DLGAP4: variants seen among roughly 807,000 people sequenced by gnomAD.
The protein encoded by DLGAP4 is DLG associated protein 4, also known as disks large-associated protein 4.
In DLGAP4, 18 loss-of-function variants were observed where a neutral mutation model predicts 86.9. That is an observed-to-expected ratio of 0.21 (90% confidence interval 0.14 to 0.31). The LOEUF (loss-of-function observed/expected upper bound fraction) is 0.31, where lower values mean the gene tolerates loss of function less well. DLGAP4 is among the 10% of genes least tolerant of loss of function. The pLI is 1.00. For synonymous variants in DLGAP4, 548 were observed against 574.3 expected, an observed-to-expected ratio of 0.95 and a Z score of 0.65; for missense variants, 1,085 against 1,362.6, an observed-to-expected ratio of 0.80 and a Z score of 3.21.
chr20:36,505,683 C>T (rs960418232), intron 10 of DLGAP4, among the ~76,000 whole-genome samples: 15 of 151,960 alleles, frequency 9.9e-5, no homozygotes, highest in East Asian at 7.7e-4. Context: ...GGCTGACAAG[C>T]GGGGAGGATC....
At chr20:36,357,906 T>G (rs986862478) in intron 1 of DLGAP4, among the ~76,000 whole-genome samples, 3 of 152,232 alleles carry the variant, frequency 2.0e-5, no homozygotes, top group African/African-American at 4.8e-5. Flanking sequence ...TTTACAAGAC[T>G]AGCCCTTTGG....
chr20:36,503,748 A>G (rs2036247777), intron 10 of DLGAP4, among the ~76,000 whole-genome samples: 1 of 152,008 alleles, frequency 6.6e-6, no homozygotes, highest in Admixed American at 6.6e-5. Flanking sequence ...TCAGCCTCCC[A>G]AAGTGCAAAG....
intron 7 of DLGAP4, among the ~76,000 whole-genome samples, chr20:36,488,894 C>G (rs2035536676): frequency 6.6e-6 from 1 of 152,186 alleles, no homozygotes. Context: ...ACTTAATATA[C>G]TATTGATTCA....
At chr20:36,344,851 TC>T in intron 1 of DLGAP4, among the ~76,000 whole-genome samples, 1 of 151,674 alleles carries the variant, frequency 6.6e-6, no homozygotes, top group Non-Finnish European at 1.5e-5. Context: ...AAGCTAAGGG[TC>T]CCCCCTCCTT....
chr20:36,372,771 G>A (rs112945545), intron 2 of DLGAP4, among the ~76,000 whole-genome samples: 1 of 152,170 alleles, frequency 6.6e-6, no homozygotes, highest in African/African-American at 2.4e-5. Flanking sequence ...GTGAGAGTTG[G>A]TTAAATAACT....
intron 10 of DLGAP4, among the ~76,000 whole-genome samples, chr20:36,509,549 T>C (rs1234474189): frequency 3.9e-5 from 6 of 151,990 alleles, no homozygotes; most frequent in Admixed American, 1.3e-4. Context: ...CCAGCCTGGG[T>C]GACAGAGCTA....
intron 3 of DLGAP4, among the ~76,000 whole-genome samples, chr20:36,433,983 A>G (rs567273734): frequency 7.8e-6 from 1 of 127,682 alleles, no homozygotes; most frequent in African/African-American, 3.1e-5. Flanking sequence ...CACACTTGTC[A>G]CCCAGACTGG....
rs2034474028 is a variant in DLGAP4, at chr20:36,467,582, T to TA, written c.1648+20650dup. 2.6e-5 allele frequency among the ~76,000 whole-genome samples: 4 copies of TA among 152,012 alleles called. No individual in the cohort carries two copies. The East Asian group carries it at 7.7e-4, about 29-fold the overall frequency. ...ATCAGGCTGGGTAAATTGGAATGAA[T>TA]AAAAATCACAACAGGGAGGAGGCTT... On this transcript the variant is annotated intron_variant, in intron 7 of 12. Coordinates refer to ENST00000339266, the MANE Select transcript of DLGAP4 (RefSeq NM_001365621.2).
intron 7 of DLGAP4, among the ~76,000 whole-genome samples, chr20:36,455,406 T>A (rs1334566593): frequency 1.3e-5 from 2 of 152,116 alleles, no homozygotes; most frequent in Non-Finnish European, 2.9e-5. Context: ...GGCAAGGTGG[T>A]GGGCTGCAGG....
intron 10 of DLGAP4, among the ~76,000 whole-genome samples, chr20:36,517,410 G>C (rs1016880552): frequency 6.6e-6 from 1 of 152,034 alleles, no homozygotes; most frequent in Non-Finnish European, 1.5e-5. Flanking sequence ...TGGACTACAG[G>C]CATGTGCCAC....
intron 4 of DLGAP4, among the ~76,000 whole-genome samples, chr20:36,439,066 CAAT>C (rs948771042): frequency 1.9e-4 from 29 of 152,056 alleles, no homozygotes; most frequent in Admixed American, 6.6e-5. Context: ...TCAAGGGAAG[CAAT>C]AATAATAACA....
At chr20:36,470,353 C>T (rs981615313) in intron 7 of DLGAP4, among the ~76,000 whole-genome samples, 1 of 152,228 alleles carries the variant, frequency 6.6e-6, no homozygotes, top group Non-Finnish European at 1.5e-5. Flanking sequence ...CAGAGGCTGA[C>T]TGCCTGTTCT....
intron 7 of DLGAP4, among the ~76,000 whole-genome samples, chr20:36,482,624 G>A (rs1428164351): frequency 2.6e-5 from 4 of 152,064 alleles, no homozygotes; most frequent in Non-Finnish European, 5.9e-5. Context: ...GTAACTGGGC[G>A]GTTTCTCCTG....
intron 2 of DLGAP4, among the ~76,000 whole-genome samples, chr20:36,378,262 T>C (rs2031237183): frequency 6.6e-6 from 1 of 152,174 alleles, no homozygotes. Flanking sequence ...TGAGCCTCTT[T>C]TTCTTCATCT....
chr20:36,502,212 T>C lies in DLGAP4; in HGVS notation c.2512+1601T>C, dbSNP rs549408740. Among the ~76,000 whole-genome samples the C allele has an allele frequency of 1.1e-4, 17 of 152,374 alleles. No homozygotes were observed. In the South Asian group the frequency reaches 3.5e-3, roughly 32 times the overall value. On this transcript the variant is annotated intron_variant, in intron 10 of 12. Coordinates refer to ENST00000339266, the MANE Select transcript of DLGAP4 (RefSeq NM_001365621.2). ...TAGTAATCAGTGTTTCTGTTTACTA[T>C]GAGTATGTAAATATTGTTTATTGCA... is the stretch of plus-strand genomic sequence containing the variant.
intron 7 of DLGAP4, among the ~76,000 whole-genome samples, chr20:36,476,589 A>G (rs1383921103): frequency 6.6e-6 from 1 of 151,618 alleles, no homozygotes; most frequent in Admixed American, 6.6e-5. Flanking sequence ...TCAGCCTCCC[A>G]AAGTGTTGGG....
In DLGAP4 at chr20:36,371,437, G is replaced by A. The variant is rs867587306; in HGVS notation, c.-73+4162G>A. Among the ~76,000 whole-genome samples, 16 of 152,340 alleles carry A rather than the reference G, an allele frequency of 1.1e-4. No individual in the cohort carries two copies. In the Middle Eastern group the frequency reaches 0.01, roughly 97 times the overall value. ...CATTGGTGCAGTGAGGGAAATTAACGTGGTGACATCATGAAGATGAACCGG... is the reference window on the plus strand; with the variant it reads ...CATTGGTGCAGTGAGGGAAATTAACATGGTGACATCATGAAGATGAACCGG... On this transcript the variant is annotated intron_variant, in intron 2 of 12. Transcript: ENST00000339266.
intron 1 of DLGAP4, among the ~76,000 whole-genome samples, chr20:36,335,479 C>A (rs1459374793): frequency 6.6e-6 from 1 of 152,134 alleles, no homozygotes; most frequent in Non-Finnish European, 1.5e-5. Context: ...GATGATCCAA[C>A]CCCTGGCCCA....
chr20:36,477,099 CT>C (rs1264876223), intron 7 of DLGAP4, among the ~76,000 whole-genome samples: 7 of 150,088 alleles, frequency 4.7e-5, no homozygotes, highest in African/African-American at 1.7e-4. Flanking sequence ...GTTTTTTTCT[CT>C]TTTTTCTTTT....
Sources: allele counts gnomAD v4.1 joint callset (sites outside exome capture counted in the v4.1 genomes callset), GRCh38; gene constraint gnomAD v4.1.1; transcripts MANE v1.5; gene names NCBI Gene and HGNC (gene_info 2026-07-23, HGNC 2026-07-21).